MYH10: variants seen among roughly 807,000 people sequenced by gnomAD.
MYH10 encodes myosin-10.
Under a neutral mutation model 257.8 loss-of-function variants are expected in MYH10, and 55 were observed. That is an observed-to-expected ratio of 0.21 (90% CI 0.17 to 0.27). The LOEUF (loss-of-function observed/expected upper bound fraction) is 0.27. Ranked by LOEUF, MYH10 falls within the 10% of genes least tolerant of loss-of-function variation. The pLI, the probability that MYH10 is intolerant of heterozygous loss-of-function variation, is 1.00. For synonymous variants in MYH10, 854 were observed against 921.7 expected, an observed-to-expected ratio of 0.93 and a Z score of 1.33; for missense variants, 1,631 against 2,500.6, an observed-to-expected ratio of 0.65 and a Z score of 7.42.
At position 8,569,866 on chromosome 17, in the gene MYH10, C is replaced by T. The variant is rs1252904557; in HGVS notation, c.664-54G>A. 1 of 1,303,902 alleles carries T rather than the reference C, an allele frequency of 7.7e-7. No homozygotes were observed. The highest frequency in any genetic ancestry group is 2.5e-5 in the East Asian group (1 of 40,768). 80.8% of individuals were successfully genotyped at this position (1,303,902 alleles called of 1,614,324 possible). On this transcript the variant is annotated intron_variant, in intron 6 of 42. Coordinates refer to ENST00000360416, the MANE Select transcript of MYH10 (RefSeq NM_001256012.3). The surrounding 1 kb of genome is among the most constrained non-coding windows in gnomAD (Gnocchi z 4.1). ...AAGCAGATGTACGTTAATCTAATGT[C>T]TTTACTCAAGTCATCAGGGGAAAAA...
intron 2 of MYH10, among the ~76,000 whole-genome samples, chr17:8,607,909 C>G (rs2084872497): frequency 6.6e-6 from 1 of 152,146 alleles, no homozygotes; most frequent in Non-Finnish European, 1.5e-5. Context: ...GTCATGACCA[C>G]CTTGTCAGAG....
At chr17:8,511,052 AT>A (rs2081268768) in intron 24 of MYH10, 1 of 114,888 alleles carries the variant, frequency 8.7e-6, no homozygotes, top group African/African-American at 4.2e-5. Flanking sequence ...ATATATATAT[AT>A]ATATATACAC....
Position 8,474,613 on chromosome 17 carries a change from C to T in MYH10, c.*1191G>A, listed in dbSNP as rs1218228485. 6.6e-6 allele frequency: 1 copy of T among 152,596 alleles called. No homozygotes were observed. Among genetic ancestry groups the T allele is most frequent in the East Asian group, 1.9e-4 (1 of 5,196 alleles). 9.5% of individuals were successfully genotyped at this position (152,596 alleles called of 1,614,324 possible). ...TATGAAGCACAGTCAAAACTGAATA[C>T]ATTAAATTGTTATAGAGGCGAATGA... On this transcript the variant is annotated 3_prime_UTR_variant, in exon 43 of 43. Transcript: ENST00000360416.
chr17:8,477,820 A>G lies in MYH10; in HGVS notation c.5706+518T>C, dbSNP rs1311837738. Among the ~76,000 whole-genome samples the G allele has an allele frequency of 1.3e-5, 2 of 152,210 alleles. No individual in the cohort carries two copies. Among genetic ancestry groups the G allele is most frequent in the Non-Finnish European group, 2.9e-5 (2 of 68,022 alleles). ...GGAGGGTATAGCTGCCCACGCTGCA[A>G]TCAGGGCAGGCCTGACCCACAGTTC... On this transcript the variant is annotated intron_variant, in intron 41 of 42. Transcript: ENST00000360416. This position sits in a 1 kb window ranked among gnomAD's most constrained non-coding sequence, Gnocchi z 4.2.
chr17:8,603,244 T>C (rs2084676880), intron 3 of MYH10, among the ~76,000 whole-genome samples: 1 of 152,192 alleles, frequency 6.6e-6, no homozygotes, highest in South Asian at 2.1e-4. Context: ...GCATCCCACC[T>C]CTTCAAGTAT....
chr17:8,622,800 A>C (rs911270437), intron 2 of MYH10, 102 bp downstream of exon 2: 4 of 1,299,528 alleles, frequency 3.1e-6, no homozygotes, highest in Non-Finnish European at 4.2e-6. Flanking sequence ...TGTTAAACAG[A>C]GAGTTTGGGT....
At chr17:8,594,590 A>T (rs2084288759) in intron 3 of MYH10, among the ~76,000 whole-genome samples, 1 of 152,186 alleles carries the variant, frequency 6.6e-6, no homozygotes, top group Non-Finnish European at 1.5e-5. Context: ...TATTGACTCA[A>T]ATGAAATGAA....
intron 7 of MYH10, 85 bp from the exon 8 acceptor site, chr17:8,554,103 A>G: frequency 1.1e-6 from 1 of 926,676 alleles, no homozygotes; most frequent in Non-Finnish European, 1.7e-6. Context: ...GACAACAAGT[A>G]TCCATGAATT....
At chr17:8,539,614 G>A (rs1457874416) in intron 14 of MYH10, among the ~76,000 whole-genome samples, 1 of 151,766 alleles carries the variant, frequency 6.6e-6, no homozygotes, top group East Asian at 1.9e-4. Flanking sequence ...TTTTGAGATG[G>A]GGTCTCACTC....
intron 21 of MYH10, among the ~76,000 whole-genome samples, chr17:8,517,135 T>C (rs1287337944): frequency 6.6e-6 from 1 of 152,130 alleles, no homozygotes; most frequent in Non-Finnish European, 1.5e-5. Context: ...AGCGAGACTC[T>C]GTCTCAAAAA....
At chr17:8,495,274 TA>T (rs1916406388) in intron 30 of MYH10, 33 bp from the exon 31 acceptor site, 1 of 1,352,018 alleles carries the variant, frequency 7.4e-7, no homozygotes, top group African/African-American at 1.4e-5. Flanking sequence ...TTCAACTCAA[TA>T]GTAAGCAAGC....
intron 2 of MYH10, among the ~76,000 whole-genome samples, chr17:8,614,310 T>C (rs966745542): frequency 1.4e-4 from 18 of 130,972 alleles, no homozygotes; most frequent in Non-Finnish European, 2.9e-4. Flanking sequence ...TTCACTTCTT[T>C]TTTTTTTTTT....
intron 16 of MYH10, among the ~76,000 whole-genome samples, chr17:8,532,418 T>C (rs146556885): frequency 0.011 from 1,725 of 152,322 alleles, 37 homozygotes; most frequent in African/African-American, 0.039. Context: ...CCTCTAAGCA[T>C]TTCTGTAATG....
chr17:8,623,090 C>T lies in MYH10; in HGVS notation c.157G>A (p.Glu53Lys), dbSNP rs1197703640. 6.2e-7 allele frequency: 1 copy of T among 1,614,126 alleles called. No homozygotes were observed. Among genetic ancestry groups the T allele is most frequent in the South Asian group, 1.1e-5 (1 of 91,076 alleles). Residue 53 changes from glutamate to lysine, a missense_variant, in exon 2 of 43, where the codon GAA becomes AAA. Physicochemically the swap from Glu to Lys is moderately conservative, Grantham distance 56. Around this residue, in one of 11 missense-constraint regions of MYH10, gnomAD observed 360 missense variants for 581.9 expected, o/e 0.62. Transcript: ENST00000360416. The part of the protein sequence containing the change: ...HGFEAASIKE[E>K]RGDEVMVELA... ...TCCACCATAACTTCATCTCCCCGTT[C>T]TTCTTTGATACTAGCTGCCTCAAAA...
intron 37 of MYH10, 84 bp from the exon 38 acceptor site, chr17:8,481,494 C>T: frequency 1.6e-6 from 2 of 1,220,018 alleles, no homozygotes; most frequent in Non-Finnish European, 1.2e-6. Context: ...GCTACAGCGA[C>T]CTTGCTCCTG....
intron 11 of MYH10, among the ~76,000 whole-genome samples, chr17:8,547,114 C>T (rs957070128): frequency 4.6e-5 from 7 of 152,090 alleles, no homozygotes; most frequent in South Asian, 2.1e-4. Flanking sequence ...AGACAACCGA[C>T]GGGCATAGCA....
intron 37 of MYH10, among the ~76,000 whole-genome samples, chr17:8,483,170 CAATG>C (rs1003244488): frequency 5.9e-5 from 9 of 152,088 alleles, no homozygotes; most frequent in Non-Finnish European, 1.5e-5. Context: ...AATTACATGA[CAATG>C]AAATTACTCC....
intron 28 of MYH10, among the ~76,000 whole-genome samples, chr17:8,501,802 G>A (rs770590096): frequency 2.4e-4 from 36 of 152,108 alleles, no homozygotes; most frequent in Non-Finnish European, 4.4e-4. Flanking sequence ...TGCACTTTAC[G>A]GTATGAAGAT....
intron 4 of MYH10, among the ~76,000 whole-genome samples, chr17:8,588,788 G>A (rs554485710): frequency 6.6e-6 from 1 of 152,324 alleles, no homozygotes; most frequent in East Asian, 1.9e-4. Flanking sequence ...AATGCTTATT[G>A]AGTAAAAAGA....
Sources: gnomAD v4.1 joint callset for allele counts (sites outside exome capture counted in the v4.1 genomes callset) on GRCh38, gnomAD v4.1.1 for gene constraint, gnomAD v4.1.1 regional missense constraint, Gnocchi (gnomAD v3.1) non-coding constraint, MANE v1.5 for transcripts, NCBI Gene and HGNC (gene_info 2026-07-23, HGNC 2026-07-21) for gene names.